MYBPC1: variants seen among roughly 807,000 people sequenced by gnomAD.
MYBPC1 encodes the protein myosin binding protein C1.
Under a neutral mutation model 147.1 loss-of-function variants are expected in MYBPC1, and 52 were observed. That is an observed-to-expected ratio of 0.35 (90% CI 0.28 to 0.45). The LOEUF is 0.45. Ranked by LOEUF, MYBPC1 falls within the 20% of genes least tolerant of loss-of-function variation. The pLI, the probability that MYBPC1 is intolerant of heterozygous loss-of-function variation, is 1.00. For synonymous variants in MYBPC1, 477 were observed against 475.9 expected, an observed-to-expected ratio of 1.00 and a Z score of -0.03; for missense variants, 1,228 against 1,440.3, an observed-to-expected ratio of 0.85 and a Z score of 2.39.
chr12:101,606,250 A>T (rs957420960), intron 1 of MYBPC1, among the ~76,000 whole-genome samples: 2 of 151,472 alleles, frequency 1.3e-5, no homozygotes, highest in African/African-American at 4.9e-5. Context: ...ATGCACAAAC[A>T]ATTCTATTAG....
At chr12:101,652,605 T>C in intron 16 of MYBPC1, 73 bp from the exon 17 acceptor site, 1 of 1,023,678 alleles carries the variant, frequency 9.8e-7, no homozygotes. Context: ...AAAGGTCAAG[T>C]GTCTTTTCAG....
intron 18 of MYBPC1, among the ~76,000 whole-genome samples, 172 bp downstream of exon 18, chr12:101,653,420 A>T (rs191117552): frequency 1.8e-3 from 279 of 152,332 alleles, no homozygotes; most frequent in Middle Eastern, 3.4e-3. Flanking sequence ...TTTCAGGCAA[A>T]TCTGATCATC....
chr12:101,600,313 T>G (rs1879365626), intron 1 of MYBPC1: 1 of 152,130 alleles, frequency 6.6e-6, no homozygotes, highest in Non-Finnish European at 1.5e-5. Context: ...TTTTTTTTTT[T>G]TAGGCTCTGT....
chr12:101,595,979 TA>T (rs1877093505), intron 1 of MYBPC1, among the ~76,000 whole-genome samples: 1 of 152,046 alleles, frequency 6.6e-6, no homozygotes, highest in Non-Finnish European at 1.5e-5. Context: ...AAATATCTTT[TA>T]AAAATATTAT....
chr12:101,626,999 G>A, intron 4 of MYBPC1, 89 bp downstream of exon 4: 1 of 1,248,644 alleles, frequency 8.0e-7, no homozygotes, highest in Non-Finnish European at 1.2e-6. Context: ...CCTCCTTGCT[G>A]AGTCAGTGCA....
chr12:101,651,054 T>C, intron 15 of MYBPC1, 177 bp from the exon 16 acceptor site: 1 of 742,096 alleles, frequency 1.3e-6, no homozygotes, highest in South Asian at 1.7e-5. Flanking sequence ...TTCTAAGGAA[T>C]GAAATTGTAC....
In MYBPC1 at chr12:101,617,246, G is replaced by A. The variant is rs1886325236; in HGVS notation, c.103+3G>A. ...GGCCGGAACTACACCAGCAAAAGGTGAGTTGGAGGGAGGGAGAGTGAGGCT... is the reference window on the plus strand; with the variant it reads ...GGCCGGAACTACACCAGCAAAAGGTAAGTTGGAGGGAGGGAGAGTGAGGCT... On this transcript the variant is annotated splice_donor_region_variant and intron_variant, in intron 3 of 31. Transcript: ENST00000361466. The A allele has an allele frequency of 1.2e-6, 2 of 1,613,616 alleles. No homozygotes were observed. Among genetic ancestry groups the A allele is most frequent in the Non-Finnish European group, 8.5e-7 (1 of 1,179,804 alleles).
chr12:101,665,216 CATT>C (rs1565985986), intron 22 of MYBPC1, among the ~76,000 whole-genome samples: 5 of 152,036 alleles, frequency 3.3e-5, no homozygotes, highest in African/African-American at 1.2e-4. Context: ...TGTACACAGT[CATT>C]ATTATGTATA....
At chr12:101,691,330 C>T in the MYBPC1 span, among the ~76,000 whole-genome samples, 11 of 152,226 alleles carry the variant, frequency 7.2e-5, no homozygotes, top group South Asian at 1.2e-3. Context: ...CCTCAGCCTC[C>T]GAAAGTGCTG....
chr12:101,668,915 C>T (rs1898007008), intron 23 of MYBPC1, among the ~76,000 whole-genome samples: 1 of 152,142 alleles, frequency 6.6e-6, no homozygotes, highest in Middle Eastern at 3.4e-3. Context: ...GGCAAAACCA[C>T]GTCTTTACTA....
intron 1 of MYBPC1, 147 bp from the exon 2 acceptor site, chr12:101,614,349 G>C (rs1885289239): frequency 1.3e-6 from 1 of 778,726 alleles, no homozygotes; most frequent in African/African-American, 1.7e-5. Context: ...AGAGAGAGAA[G>C]AGAGAATGTG....
chr12:101,666,661 C>A, intron 22 of MYBPC1: 2 of 1,286,726 alleles, frequency 1.6e-6, no homozygotes, highest in Non-Finnish European at 1.1e-6. Context: ...ACTTTACTAA[C>A]AGAGAATGCT....
chr12:101,637,044 A>C, intron 10 of MYBPC1: 1 of 74,130 alleles, frequency 1.3e-5, no homozygotes, highest in Non-Finnish European at 2.3e-5. Flanking sequence ...AAGACTGCAC[A>C]TATGATTTGG....
intron 28 of MYBPC1, 51 bp downstream of exon 28, chr12:101,678,289 G>T (rs546898980): frequency 6.2e-7 from 1 of 1,602,822 alleles, no homozygotes; most frequent in Admixed American, 1.7e-5. Context: ...TGTATTTGTT[G>T]TGTTATAATG....
intron 1 of MYBPC1, among the ~76,000 whole-genome samples, chr12:101,601,107 T>C (rs1879735995): frequency 6.6e-6 from 1 of 152,138 alleles, no homozygotes; most frequent in Admixed American, 6.5e-5. Context: ...TCATGAGGGG[T>C]TTCCTAAAAT....
downstream of MYBPC1, among the ~76,000 whole-genome samples, chr12:101,686,926 T>A (rs1566028036): frequency 6.6e-6 from 1 of 152,220 alleles, no homozygotes; most frequent in African/African-American, 2.4e-5. Flanking sequence ...TGGTTGGTGA[T>A]GTTGCCTTAC....
chr12:101,627,710 A>G (rs1244734195), intron 4 of MYBPC1, 59 bp from the exon 5 acceptor site: 46 of 1,579,078 alleles, frequency 2.9e-5, no homozygotes, highest in Non-Finnish European at 3.9e-5. Context: ...TGAAGTCAGC[A>G]CTCCATTTTC....
intron 11 of MYBPC1, 63 bp downstream of exon 11, chr12:101,642,648 G>A (rs1478674605): frequency 2.5e-5 from 38 of 1,535,620 alleles, no homozygotes; most frequent in Non-Finnish European, 2.8e-5. Flanking sequence ...AGCCTTGACC[G>A]TGAACCCCAT....
intron 26 of MYBPC1, 146 bp from the exon 27 acceptor site, chr12:101,677,089 A>G (rs1451502656): frequency 1.1e-5 from 8 of 737,082 alleles, no homozygotes; most frequent in East Asian, 2.7e-5. Context: ...TTTTAACAAC[A>G]TATATTATTA....
Sources: gnomAD v4.1 joint callset for allele counts (sites outside exome capture counted in the v4.1 genomes callset) on GRCh38, gnomAD v4.1.1 for gene constraint, MANE v1.5 for transcripts, NCBI Gene and HGNC (gene_info 2026-07-23, HGNC 2026-07-21) for gene names.